SAMD13: variants seen among roughly 807,000 people sequenced by gnomAD.
SAMD13 encodes sterile alpha motif domain-containing protein 13.
SAMD13 carries 9 observed loss-of-function variants against 12.4 expected under a neutral mutation model. The observed-to-expected ratio is 0.72, with a 90% confidence interval of 0.44 to 1.26. The LOEUF is 1.26. Ranked by LOEUF, SAMD13 falls within the 50% of genes most tolerant of loss-of-function variation. SAMD13 has a pLI of 0.00. For missense variants in SAMD13, 84 were observed against 119.6 expected, an observed-to-expected ratio of 0.70 and a Z score of 1.39; for synonymous variants, 46 against 45.4, an observed-to-expected ratio of 1.01 and a Z score of -0.05.
intron 3 of SAMD13, among the ~76,000 whole-genome samples, chr1:84,341,829 T>C (rs1229106393): frequency 6.6e-6 from 1 of 152,040 alleles, no homozygotes; most frequent in African/African-American, 2.4e-5. Context: ...GAAGAGGTTG[T>C]AAAAGGAAGG....
intron 3 of SAMD13, among the ~76,000 whole-genome samples, chr1:84,334,559 G>A (rs1475128194): frequency 6.6e-6 from 1 of 151,766 alleles, no homozygotes; most frequent in Non-Finnish European, 1.5e-5. Flanking sequence ...AGTTTCATTC[G>A]GTTCAGCTCA....
At chr1:84,318,094 G>C (rs1014268094) in intron 2 of SAMD13, among the ~76,000 whole-genome samples, 2 of 151,860 alleles carry the variant, frequency 1.3e-5, no homozygotes, top group East Asian at 3.9e-4. Flanking sequence ...CTAGCTAAAG[G>C]TTTGTCAGTT....
At chr1:84,311,867 T>C (rs1219526104) in intron 2 of SAMD13, among the ~76,000 whole-genome samples, 2 of 152,226 alleles carry the variant, frequency 1.3e-5, no homozygotes, top group East Asian at 3.8e-4. Flanking sequence ...TAGACATTTC[T>C]TTATGAATTA....
intron 3 of SAMD13, among the ~76,000 whole-genome samples, chr1:84,338,378 T>G (rs949271153): frequency 1.3e-5 from 2 of 150,926 alleles, no homozygotes; most frequent in African/African-American, 4.9e-5. Context: ...TCACATCTTA[T>G]GTGGATGGCA....
upstream of SAMD13, chr1:84,298,590 C>A: frequency 7.8e-7 from 1 of 1,284,936 alleles, no homozygotes; most frequent in East Asian, 2.9e-5. Flanking sequence ...CCTGTGCGCC[C>A]AGGGCGTGGG....
intron 2 of SAMD13, among the ~76,000 whole-genome samples, chr1:84,316,438 G>A (rs1678834802): frequency 6.6e-6 from 1 of 152,040 alleles, no homozygotes; most frequent in Admixed American, 6.6e-5. Context: ...TTTGCATGTG[G>A]ATATCCAGTT....
chr1:84,314,218 G>A (rs565055639), intron 2 of SAMD13, among the ~76,000 whole-genome samples: 10 of 151,836 alleles, frequency 6.6e-5, no homozygotes, highest in African/African-American at 9.7e-5. Flanking sequence ...AAGTCCAACC[G>A]TGCATACATG....
chr1:84,327,451 G>A (rs1416483331), intron 3 of SAMD13, among the ~76,000 whole-genome samples: 1 of 152,044 alleles, frequency 6.6e-6, no homozygotes, highest in Non-Finnish European at 1.5e-5. Flanking sequence ...GGTGGAAAAC[G>A]ACTGGGAAGG....
intron 3 of SAMD13, among the ~76,000 whole-genome samples, chr1:84,330,733 G>C (rs1679160854): frequency 6.6e-6 from 1 of 152,090 alleles, no homozygotes; most frequent in Non-Finnish European, 1.5e-5. Context: ...GTCTTTGTCT[G>C]TTTGACTCAC....
chr1:84,316,701 C>A (rs1276755869), intron 2 of SAMD13, among the ~76,000 whole-genome samples: 1 of 151,988 alleles, frequency 6.6e-6, no homozygotes, highest in African/African-American at 2.4e-5. Flanking sequence ...TATTCAAGAT[C>A]TTTTCTGGTT....
Position 84,338,101 on chromosome 1 carries a change from A to T in SAMD13, c.166-11530A>T, listed in dbSNP as rs545449135. Among the ~76,000 whole-genome samples, 103 of 152,280 alleles carry T rather than the reference A, an allele frequency of 6.8e-4. No homozygotes were observed. The Middle Eastern group carries it at 0.01, about 15-fold the overall frequency. ...ATTCAACAAGTCTCTAGGAAGTTTC[A>T]AACTTTCCCACATTTTCCTGTCTTC... On this transcript the variant is annotated intron_variant, in intron 3 of 3. Coordinates refer to ENST00000394834, the MANE Select transcript of SAMD13 (RefSeq NM_001134663.2).
At chr1:84,306,752 A>G (rs1678584543) in intron 2 of SAMD13, among the ~76,000 whole-genome samples, 1 of 151,036 alleles carries the variant, frequency 6.6e-6, no homozygotes, top group African/African-American at 2.4e-5. Flanking sequence ...AATCCCTTGA[A>G]CTGGGGAAGC....
At chr1:84,321,977 A>G (rs1678956732) in intron 2 of SAMD13, among the ~76,000 whole-genome samples, 1 of 152,198 alleles carries the variant, frequency 6.6e-6, no homozygotes, top group Non-Finnish European at 1.5e-5. Context: ...TCTGCAAGCC[A>G]TCCCCACTCT....
intron 2 of SAMD13, among the ~76,000 whole-genome samples, chr1:84,315,729 A>G (rs947532892): frequency 1.3e-5 from 2 of 152,164 alleles, no homozygotes; most frequent in Admixed American, 6.5e-5. Flanking sequence ...TTGGATAAAT[A>G]CTCTGAAGTG....
Position 84,309,337 on chromosome 1 carries a change from G to C in SAMD13, c.53+6050G>C, listed in dbSNP as rs138208245. Among the ~76,000 whole-genome samples, 181 of 152,258 alleles carry C rather than the reference G, an allele frequency of 1.2e-3. 1 individual carries two copies. The highest frequency in any genetic ancestry group is 4.1e-4 in the Non-Finnish European group (28 of 68,016). On this transcript the variant is annotated intron_variant, in intron 2 of 3. Transcript: ENST00000394834. ...ATTTCAAGGCTGGATCCTGGTTCTTGTGTCGTTGCTGCAAGAGGAGGAAAA... is the reference window on the plus strand; with the variant it reads ...ATTTCAAGGCTGGATCCTGGTTCTTCTGTCGTTGCTGCAAGAGGAGGAAAA...
chr1:84,309,755 A>G (rs1026434324), intron 2 of SAMD13, among the ~76,000 whole-genome samples: 4 of 152,218 alleles, frequency 2.6e-5, no homozygotes, highest in African/African-American at 9.6e-5. Context: ...TGTCCAAAAC[A>G]TGAGCAAACA....
intron 3 of SAMD13, among the ~76,000 whole-genome samples, chr1:84,332,339 A>G (rs1448571542): frequency 6.6e-6 from 1 of 152,208 alleles, no homozygotes; most frequent in Admixed American, 6.6e-5. Flanking sequence ...GAACTAATTT[A>G]CATTCCCACC....
chr1:84,345,563 G>T (rs1679517898), intron 3 of SAMD13, among the ~76,000 whole-genome samples: 1 of 152,124 alleles, frequency 6.6e-6, no homozygotes, highest in African/African-American at 2.4e-5. Context: ...CACAAATATG[G>T]CCTTCCCAGT....
chr1:84,321,827 C>T (rs1271188731), intron 2 of SAMD13, among the ~76,000 whole-genome samples: 2 of 152,144 alleles, frequency 1.3e-5, no homozygotes, highest in South Asian at 2.1e-4. Flanking sequence ...TTGGCTTACG[C>T]TTGTTATGTT....
Sources: gnomAD v4.1 joint callset for allele counts (sites outside exome capture counted in the v4.1 genomes callset) on GRCh38, gnomAD v4.1.1 for gene constraint, MANE v1.5 for transcripts, NCBI Gene and HGNC (gene_info 2026-07-23, HGNC 2026-07-21) for gene names.